The following ACOT1 variants were observed in gnomAD, a reference collection of about 807,000 sequenced individuals.
ACOT1 encodes the protein acyl-coenzyme A thioesterase 1.
In ACOT1, 8 loss-of-function variants were observed where a neutral mutation model predicts 15.7. The observed-to-expected ratio is 0.51, with a 90% CI of 0.30 to 0.92. ACOT1 has a LOEUF of 0.92. ACOT1 is among the 40% of genes least tolerant of loss of function. The pLI is 0.06. For missense variants in ACOT1, 151 were observed against 539.4 expected (o/e 0.28, Z 7.13); for synonymous variants, 67 against 241.2 (o/e 0.28, Z 6.69).
At chr14:73,524,310 A>AAAAAAAAATATAT in the ACOT1 span, among the ~76,000 whole-genome samples, 7 of 54,788 alleles carry the variant, frequency 1.3e-4, no homozygotes, top group African/African-American at 3.5e-4. Flanking sequence ...AAAAAAAAAA[A>AAAAAAAAATATAT]ATATATATAT....
At chr14:73,500,047 G>A in the ACOT1 span, among the ~76,000 whole-genome samples, 1 of 152,296 alleles carries the variant, frequency 6.6e-6, no homozygotes, top group Middle Eastern at 3.4e-3. Context: ...GGCTAACACG[G>A]TGAAACCCCA....
chr14:73,492,117 A>G, the ACOT1 span: 1 of 1,613,850 alleles, frequency 6.2e-7, no homozygotes, highest in Non-Finnish European at 8.5e-7. The surrounding 1 kb of genome is among the most constrained non-coding windows in gnomAD (Gnocchi z 4.9). Context: ...GTCCCAACCG[A>G]GGAACTGGCT....
chr14:73,539,340 C>A (rs60831148), intron 1 of ACOT1: 6,144 of 121,388 alleles, frequency 0.051, 1,559 homozygotes, highest in African/African-American at 0.16. Context: ...CTCCTCTTGG[C>A]CTCGAATGGT....
chr14:73,518,684 T>C, the ACOT1 span, among the ~76,000 whole-genome samples: 1 of 152,078 alleles, frequency 6.6e-6, no homozygotes, highest in Admixed American at 6.6e-5. Flanking sequence ...GAATGCTGGG[T>C]CAGGAGTTTG....
chr14:73,512,081 G>T, the ACOT1 span: 2 of 1,614,096 alleles, frequency 1.2e-6, no homozygotes, highest in Non-Finnish European at 1.7e-6. Context: ...GCTTTGATCC[G>T]AACGTCATCA....
chr14:73,503,534 C>A, the ACOT1 span, among the ~76,000 whole-genome samples: 4 of 152,156 alleles, frequency 2.6e-5, no homozygotes, highest in African/African-American at 9.7e-5. Flanking sequence ...GTTCTTCCTG[C>A]TAGAAGTATC....
intron 1 of ACOT1, chr14:73,539,437 G>A (rs35422385): frequency 0.034 from 4,177 of 124,212 alleles, 1,049 homozygotes; most frequent in African/African-American, 0.11. Context: ...GACTCCAGGT[G>A]CTGCTCTACC....
At chr14:73,493,011 T>TTC in the ACOT1 span, 3 of 1,583,668 alleles carry the variant, frequency 1.9e-6, no homozygotes, top group South Asian at 3.5e-5. Context: ...TTTTTTTTTT[T>TTC]TTTTCCTTAA....
At chr14:73,500,821 G>T in the ACOT1 span, 1 of 1,229,538 alleles carries the variant, frequency 8.1e-7, no homozygotes, top group Non-Finnish European at 1.1e-6. Context: ...TAAAATCCGG[G>T]TTCTGTAGGC....
chr14:73,492,984 C>T, the ACOT1 span: 12 of 1,592,486 alleles, frequency 7.5e-6, no homozygotes, highest in African/African-American at 1.4e-5. The surrounding 1 kb of genome is among the most constrained non-coding windows in gnomAD (Gnocchi z 4.9). Context: ...AGTGATTCTC[C>T]GCTGCCACTG....
the ACOT1 span, chr14:73,511,916 C>G: frequency 6.6e-7 from 1 of 1,512,820 alleles, no homozygotes; most frequent in African/African-American, 1.4e-5. Flanking sequence ...GTAAAATGAT[C>G]TCAGATAAGC....
the ACOT1 span, among the ~76,000 whole-genome samples, chr14:73,507,349 C>T: frequency 1.1e-4 from 17 of 152,328 alleles, no homozygotes; most frequent in African/African-American, 4.1e-4. Flanking sequence ...TACACCTCTA[C>T]ACCCAGGTTT....
At chr14:73,523,384 T>G in the ACOT1 span, among the ~76,000 whole-genome samples, 1 of 152,200 alleles carries the variant, frequency 6.6e-6, no homozygotes, top group Non-Finnish European at 1.5e-5. Context: ...TGCAACATCC[T>G]AAATATTTCA....
chr14:73,512,077 A>C, the ACOT1 span: 1 of 1,614,130 alleles, frequency 6.2e-7, no homozygotes, highest in Non-Finnish European at 8.5e-7. Context: ...GATAGCTTTG[A>C]TCCGAACGTC....
At chr14:73,523,210 G>A in the ACOT1 span, 3 of 1,473,956 alleles carry the variant, frequency 2.0e-6, 1 homozygote, top group Non-Finnish European at 2.7e-6. Flanking sequence ...AAGGCCTGGA[G>A]ATGAGACCTG....
chr14:73,535,044 T>A (rs1247974406), upstream of ACOT1, among the ~76,000 whole-genome samples: 7 of 114,648 alleles, frequency 6.1e-5, 2 homozygotes, highest in African/African-American at 2.0e-4. Context: ...TTTCATCAGT[T>A]TCATGGAAGA....
chr14:73,512,158 C>T, the ACOT1 span: 1 of 1,614,010 alleles, frequency 6.2e-7, no homozygotes, highest in Non-Finnish European at 8.5e-7. Context: ...GACTGAGCCG[C>T]AGTGAGGGAA....
At chr14:73,526,475 G>A in the ACOT1 span, among the ~76,000 whole-genome samples, 1 of 152,184 alleles carries the variant, frequency 6.6e-6, no homozygotes, top group Admixed American at 6.5e-5. Flanking sequence ...ACAAGGGAGT[G>A]CCTGCATCAT....
At chr14:73,507,082 C>T in the ACOT1 span, among the ~76,000 whole-genome samples, 1 of 152,026 alleles carries the variant, frequency 6.6e-6, no homozygotes. Flanking sequence ...GGATTACAGG[C>T]GTGAGCCACC....
Sources: allele counts gnomAD v4.1 joint callset (sites outside exome capture counted in the v4.1 genomes callset), GRCh38; gene constraint gnomAD v4.1.1; non-coding constraint Gnocchi (gnomAD v3.1); transcripts MANE v1.5; gene names NCBI Gene and HGNC (gene_info 2026-07-23, HGNC 2026-07-21).